UNC45B: variants seen among roughly 807,000 people sequenced by gnomAD.
The protein encoded by UNC45B is protein unc-45 homolog B.
In UNC45B, 78 loss-of-function variants were observed where a neutral mutation model predicts 98.7. That is an observed-to-expected ratio of 0.79 (90% CI 0.66 to 0.95). UNC45B has a LOEUF of 0.95. Ranked by LOEUF, UNC45B falls within the 40% of genes least tolerant of loss-of-function variation. The probability of loss-of-function intolerance (pLI) is 0.00; values close to 1 mark genes in which losing one functional copy is unlikely to be tolerated. For missense variants in UNC45B, 1,225 were observed against 1,184.9 expected (o/e 1.03, Z -0.50); for synonymous variants, 462 against 480.4 (o/e 0.96, Z 0.50).
intron 19 of UNC45B, among the ~76,000 whole-genome samples, chr17:35,185,994 TC>T (rs2092301066): frequency 6.6e-6 from 1 of 152,276 alleles, no homozygotes; most frequent in Admixed American, 6.5e-5. Flanking sequence ...TTGTGCTGTG[TC>T]ATAGCATGAT....
intron 5 of UNC45B, 26 bp downstream of exon 5, chr17:35,153,008 C>T: frequency 6.4e-7 from 1 of 1,560,398 alleles, no homozygotes; most frequent in Non-Finnish European, 8.7e-7. Flanking sequence ...TGCCATCCAG[C>T]CAGCAGAAGG....
intron 7 of UNC45B, among the ~76,000 whole-genome samples, chr17:35,156,621 G>A (rs768187716): frequency 2.5e-4 from 38 of 151,138 alleles, no homozygotes; most frequent in African/African-American, 5.3e-4. Flanking sequence ...GTGAGACTCC[G>A]TCTCAAAAAA....
chr17:35,151,870 G>T (rs185297207), intron 4 of UNC45B, among the ~76,000 whole-genome samples: 1 of 150,942 alleles, frequency 6.6e-6, no homozygotes, highest in Non-Finnish European at 1.5e-5. Flanking sequence ...AGGCCAAGGC[G>T]GGAGGATCAC....
At chr17:35,163,846 C>A in intron 8 of UNC45B, 149 bp from the exon 9 acceptor site, 1 of 906,136 alleles carries the variant, frequency 1.1e-6, no homozygotes. Context: ...TCCTTTGACC[C>A]CATTCTAGGC....
chr17:35,164,054 C>T lies in UNC45B; in HGVS notation c.1039C>T (p.Leu347=). The T allele has an allele frequency of 1.9e-6, 3 of 1,614,070 alleles. No individual in the cohort carries two copies. Among genetic ancestry groups the T allele is most frequent in the Non-Finnish European group, 2.5e-6 (3 of 1,180,006 alleles). The change falls in exon 9 of 20, where the codon CTG becomes TTG. Residue 347 remains leucine (L), a synonymous_variant. Transcript: ENST00000394570. The part of the protein sequence containing the change: ...QVPDLPSCLP[L]TDNTRMLASI... ...TCCAGATCTGCCATCCTGCCTGCCCCTGACTGACAACACCCGCATGCTGGC... is the reference window on the plus strand; with the variant it reads ...TCCAGATCTGCCATCCTGCCTGCCCTTGACTGACAACACCCGCATGCTGGC...
chr17:35,176,174 A>G, intron 15 of UNC45B, 140 bp downstream of exon 15: 2 of 770,506 alleles, frequency 2.6e-6, no homozygotes, highest in South Asian at 3.3e-5. Flanking sequence ...CATAGCCCCA[A>G]GCCAATTTCT....
intron 9 of UNC45B, among the ~76,000 whole-genome samples, chr17:35,166,737 G>A (rs1567760702): frequency 6.6e-6 from 1 of 152,300 alleles, no homozygotes; most frequent in East Asian, 1.9e-4. Flanking sequence ...TCAAGCTGGA[G>A]GGGCTGTCAG....
At chr17:35,167,168 C>T (rs1015384406) in intron 9 of UNC45B, among the ~76,000 whole-genome samples, 3 of 152,224 alleles carry the variant, frequency 2.0e-5, no homozygotes, top group Non-Finnish European at 4.4e-5. Context: ...GGGCATCACG[C>T]TAGGCCTTTT....
intron 15 of UNC45B, among the ~76,000 whole-genome samples, chr17:35,176,374 A>T (rs948823713): frequency 6.6e-6 from 1 of 152,138 alleles, no homozygotes; most frequent in Non-Finnish European, 1.5e-5. Context: ...CAGCTTCTTC[A>T]TCTGTAAAAT....
chr17:35,157,783 T>A (rs1361390036), intron 7 of UNC45B, among the ~76,000 whole-genome samples: 4 of 152,214 alleles, frequency 2.6e-5, no homozygotes, highest in African/African-American at 9.6e-5. Context: ...TTTTTCTGTA[T>A]CTTTATTAGC....
rs1196497528 is a variant in UNC45B at position 35,189,315 on chromosome 17, AAAT to A, written c.*2762_*2764del. ...CTTAGTCTTCTCATTTGTGAAAGGT[AAAT>A]AATAAAGAATTTCTGTTCCTAGTAA... is the stretch of plus-strand genomic sequence containing the variant. On this transcript the variant is annotated 3_prime_UTR_variant, in exon 20 of 20. Coordinates refer to ENST00000394570, the MANE Select transcript of UNC45B (RefSeq NM_001267052.2). The A allele has an allele frequency of 6.6e-6, 1 of 152,190 alleles. No individual in the cohort carries two copies. Among genetic ancestry groups the A allele is most frequent in the African/African-American group, 2.4e-5 (1 of 41,446 alleles). The allele number at this position is 152,190 out of a possible 1,614,324, so 9.4% of individuals were successfully genotyped here.
chr17:35,157,342 C>T (rs1189772360), intron 7 of UNC45B, among the ~76,000 whole-genome samples: 6 of 152,016 alleles, frequency 3.9e-5, no homozygotes, highest in Admixed American at 3.3e-4. Context: ...CGGGTTTAAG[C>T]GATTCTCCTG....
chr17:35,181,133 A>G (rs747911358), intron 18 of UNC45B, among the ~76,000 whole-genome samples: 16 of 152,198 alleles, frequency 1.1e-4, no homozygotes, highest in Non-Finnish European at 2.9e-5. Flanking sequence ...ATGAACTACC[A>G]CTGTTCCCAT....
rs1030099462 is a variant in UNC45B, at chr17:35,188,548, A to G, written c.*1989A>G. The G allele has an allele frequency of 2.0e-5, 3 of 149,296 alleles. No homozygotes were observed. Among genetic ancestry groups the G allele is most frequent in the African/African-American group, 7.4e-5 (3 of 40,324 alleles). The allele number at this position is 149,296 out of a possible 1,614,324, so 9.2% of individuals were successfully genotyped here. ...CAGTGCAGTGGTGCAGTCATGGCTC[A>G]CCGCAGCCTTGGTCTCCTGGGCTCA... On this transcript the variant is annotated 3_prime_UTR_variant, in exon 20 of 20. Coordinates refer to ENST00000394570, the MANE Select transcript of UNC45B (RefSeq NM_001267052.2).
chr17:35,151,244 A>G (rs952516835), intron 4 of UNC45B: 1 of 248,092 alleles, frequency 4.0e-6, no homozygotes, highest in Non-Finnish European at 8.0e-6. Flanking sequence ...GCCACGTCTG[A>G]TCTGAGGTCG....
intron 17 of UNC45B, among the ~76,000 whole-genome samples, chr17:35,178,107 C>T (rs1439750342): frequency 6.6e-6 from 1 of 152,086 alleles, no homozygotes; most frequent in Admixed American, 6.5e-5. Context: ...CCCATGTTGG[C>T]CAAGCTGGTC....
chr17:35,175,721 A>G (rs1379649307), intron 14 of UNC45B, among the ~76,000 whole-genome samples: 1 of 152,148 alleles, frequency 6.6e-6, no homozygotes, highest in East Asian at 1.9e-4. Context: ...TTGCATCCCT[A>G]AATAGTGATA....
chr17:35,156,600 C>T (rs1300837398), intron 7 of UNC45B, among the ~76,000 whole-genome samples: 5 of 151,546 alleles, frequency 3.3e-5, no homozygotes, highest in African/African-American at 9.7e-5. Context: ...CACTCCAACC[C>T]GGGTGACAGA....
At chr17:35,168,965 C>A (rs2092162582) in intron 10 of UNC45B, among the ~76,000 whole-genome samples, 1 of 152,100 alleles carries the variant, frequency 6.6e-6, no homozygotes, top group South Asian at 2.1e-4. Context: ...CCTGGGCCTC[C>A]CAAAGTGCTG....
Sources: gnomAD v4.1 joint callset for allele counts (sites outside exome capture counted in the v4.1 genomes callset) on GRCh38, gnomAD v4.1.1 for gene constraint, MANE v1.5 for transcripts, NCBI Gene and HGNC (gene_info 2026-07-23, HGNC 2026-07-21) for gene names.